ZNF140: variants seen among roughly 807,000 people sequenced by gnomAD.
ZNF140 encodes zinc finger protein 140 (clone pHZ-39).
A neutral mutation model predicts 12.9 loss-of-function variants in ZNF140; 13 were observed. The observed-to-expected ratio is 1.01, with a 90% CI of 0.66 to 1.60. The LOEUF (loss-of-function observed/expected upper bound fraction) is 1.60. Ranked by LOEUF, ZNF140 falls within the 40% of genes most tolerant of loss-of-function variation. The probability of loss-of-function intolerance (pLI) is 0.00; values close to 1 mark genes in which losing one functional copy is unlikely to be tolerated. For synonymous variants in ZNF140, 214 were observed against 186.7 expected (o/e 1.15, Z -1.19); for missense variants, 531 against 548.8 (o/e 0.97, Z 0.32).
Position 133,106,621 on chromosome 12 carries a change from T to G in ZNF140, c.1344T>G (p.Asn448Lys). Residue 448 changes from asparagine (N) to lysine (K), a missense_variant, in exon 5 of 5, where the codon AAT becomes AAG. Physicochemically the swap from Asn to Lys is moderately conservative, Grantham distance 94 (BLOSUM62 0). Coordinates refer to ENST00000355557, the MANE Select transcript of ZNF140 (RefSeq NM_003440.4). ...CCTATGAATATGAAAATTCATTTAA[T>G]TACCACTCATTCCTTACTGAACACC... is the stretch of plus-strand genomic sequence containing the variant. ...DNPYEYENSF[N>K]YHSFLTEHQ 1 of 1,602,142 alleles carries G rather than the reference T, an allele frequency of 6.2e-7. No individual in the cohort carries two copies. Among genetic ancestry groups the G allele is most frequent in the Non-Finnish European group, 8.5e-7 (1 of 1,176,230 alleles).
intron 4 of ZNF140, among the ~76,000 whole-genome samples, chr12:133,090,970 A>G (rs1257455063): frequency 4.1e-5 from 6 of 147,856 alleles, no homozygotes; most frequent in Non-Finnish European, 7.5e-5. Context: ...TTTTGCTACT[A>G]TCTCAGAATT....
intron 4 of ZNF140, chr12:133,084,208 A>G (rs1387192031): frequency 1.4e-5 from 6 of 421,372 alleles, no homozygotes; most frequent in Non-Finnish European, 1.8e-5. Flanking sequence ...ATGGACATAC[A>G]TTTCTATTGC....
chr12:133,081,113 A>G (rs1337048874), intron 1 of ZNF140, 41 bp downstream of exon 1: 7 of 266,374 alleles, frequency 2.6e-5, no homozygotes, highest in Non-Finnish European at 4.6e-5. Flanking sequence ...CAGGAAGAGA[A>G]AGCCGGCGCC....
rs911710404 is a variant in ZNF140 at position 133,090,104 on chromosome 12, C to T, written c.232+6543C>T. Among the ~76,000 whole-genome samples the T allele has an allele frequency of 8.1e-4, 124 of 152,174 alleles. 2 individuals carry two copies. The highest frequency in any genetic ancestry group is 2.7e-3 in the African/African-American group (112 of 41,530). On this transcript the variant is annotated intron_variant, in intron 4 of 4. Coordinates refer to ENST00000355557, the MANE Select transcript of ZNF140 (RefSeq NM_003440.4). ...CCTCCAGTAATCCACGCACTTCAGC[C>T]TCCCAAAGTGCCGGGATTATAGATG...
intron 4 of ZNF140, among the ~76,000 whole-genome samples, chr12:133,089,374 C>T (rs1954781372): frequency 1.3e-5 from 2 of 152,086 alleles, no homozygotes; most frequent in South Asian, 4.2e-4. Flanking sequence ...CCACCATGCC[C>T]AGCTCATTTT....
At chr12:133,103,201 T>C (rs1042741068) in intron 4 of ZNF140, among the ~76,000 whole-genome samples, 16 of 152,292 alleles carry the variant, frequency 1.1e-4, no homozygotes, top group African/African-American at 3.1e-4. Flanking sequence ...ACTTCTCTCT[T>C]CTATTTTGAA....
At chr12:133,092,627 C>T (rs1051931085) in intron 4 of ZNF140, among the ~76,000 whole-genome samples, 14 of 151,114 alleles carry the variant, frequency 9.3e-5, no homozygotes, top group Admixed American at 3.3e-4. Flanking sequence ...TAACTTTGGT[C>T]GGGGTGATGA....
intron 4 of ZNF140, among the ~76,000 whole-genome samples, chr12:133,086,706 A>G (rs1473661369): frequency 6.6e-6 from 1 of 152,018 alleles, no homozygotes; most frequent in Non-Finnish European, 1.5e-5. Context: ...TGTTTAAGAA[A>G]TCTTTCCCTC....
At chr12:133,088,031 G>T (rs1012676982) in intron 4 of ZNF140, among the ~76,000 whole-genome samples, 1 of 151,972 alleles carries the variant, frequency 6.6e-6, no homozygotes, top group Admixed American at 6.6e-5. Context: ...TCGGGAGGCT[G>T]AGGTGGAAGA....
chr12:133,089,999 G>A (rs1056646898), intron 4 of ZNF140, among the ~76,000 whole-genome samples: 16 of 151,920 alleles, frequency 1.1e-4, no homozygotes, highest in African/African-American at 3.1e-4. Context: ...ACAGGTGCAC[G>A]CCACCACGCC....
chr12:133,105,322 A>G (rs1196304943), intron 4 of ZNF140, among the ~76,000 whole-genome samples, 188 bp from the exon 5 acceptor site: 1 of 152,070 alleles, frequency 6.6e-6, no homozygotes, highest in Admixed American at 6.5e-5. Context: ...TTATTTACCT[A>G]TATGTCTATC....
At chr12:133,081,632 A>G (rs1954506741) in intron 2 of ZNF140, 1 of 450,638 alleles carries the variant, frequency 2.2e-6, no homozygotes, top group African/African-American at 2.0e-5. Context: ...ACTTAAGTAT[A>G]CATGAAGAGA....
intron 4 of ZNF140, among the ~76,000 whole-genome samples, chr12:133,087,776 A>G (rs1954721511): frequency 6.6e-6 from 1 of 152,166 alleles, no homozygotes; most frequent in Non-Finnish European, 1.5e-5. Flanking sequence ...TTTCTTTTCT[A>G]TATTGCTTCT....
chr12:133,097,567 C>T lies in ZNF140; in HGVS notation c.233-7943C>T, dbSNP rs557639869. 2.7e-4 allele frequency among the ~76,000 whole-genome samples: 41 copies of T among 150,506 alleles called. No homozygotes were observed. In the East Asian group the frequency reaches 6.6e-3, roughly 24 times the overall value. On this transcript the variant is annotated intron_variant, in intron 4 of 4. Coordinates refer to ENST00000355557, the MANE Select transcript of ZNF140 (RefSeq NM_003440.4). ...CTGAGGCACGAGAATGGCGTGAACC[C>T]GGGAGGCGGAGGTTGCAGTGAGCCG...
chr12:133,083,844 C>T (rs1028818623), intron 4 of ZNF140, among the ~76,000 whole-genome samples: 1 of 151,868 alleles, frequency 6.6e-6, no homozygotes, highest in African/African-American at 2.4e-5. Context: ...CCTGTAGTCC[C>T]AGCTACTTGG....
chr12:133,106,601 G>A lies in ZNF140; in HGVS notation c.1324G>A (p.Glu442Lys). 3 of 1,607,538 alleles carry A rather than the reference G, an allele frequency of 1.9e-6. No homozygotes were observed. Among genetic ancestry groups the A allele is most frequent in the Non-Finnish European group, 2.5e-6 (3 of 1,178,256 alleles). ...QRTHTLDNPY[E>K]YENSFNYHSF... is the part of the protein sequence containing the mutation. ...GACACACACTCTTGACAACCCCTAT[G>A]AATATGAAAATTCATTTAATTACCA... is the stretch of plus-strand genomic sequence containing the variant. The change falls in exon 5 of 5, where the codon GAA becomes AAA. Residue 442 changes from glutamate to lysine, a missense_variant. By Grantham distance (56) the Glu-to-Lys change is moderately conservative (BLOSUM62 1). Coordinates refer to ENST00000355557, the MANE Select transcript of ZNF140 (RefSeq NM_003440.4).
At chr12:133,096,108 A>G (rs372097316) in intron 4 of ZNF140, among the ~76,000 whole-genome samples, 1 of 150,274 alleles carries the variant, frequency 6.7e-6, no homozygotes, top group Non-Finnish European at 1.5e-5. Context: ...ATTTCAGACT[A>G]TCACATGGGG....
intron 4 of ZNF140, among the ~76,000 whole-genome samples, chr12:133,090,812 A>G (rs113112997): frequency 0.091 from 11,597 of 128,080 alleles, 659 homozygotes; most frequent in African/African-American, 0.14. Context: ...AAAAGAATCT[A>G]TATCATAATT....
rs1162610479 is a variant in ZNF140, at chr12:133,106,814, G to A, written c.*163G>A. ...CCACCCTGGAGAAAAAAAAACCCAGGAATATGTGGAAAAGCCATTAATAAC... is the reference window on the plus strand; with the variant it reads ...CCACCCTGGAGAAAAAAAAACCCAGAAATATGTGGAAAAGCCATTAATAAC... On this transcript the variant is annotated 3_prime_UTR_variant, in exon 5 of 5. Coordinates refer to ENST00000355557, the MANE Select transcript of ZNF140 (RefSeq NM_003440.4). 5 of 548,040 alleles carry A rather than the reference G, an allele frequency of 9.1e-6. No individual in the cohort carries two copies. The highest frequency in any genetic ancestry group is 2.0e-5 in the African/African-American group (1 of 51,090). 33.9% of individuals were successfully genotyped at this position (548,040 alleles called of 1,614,324 possible).
Sources: allele counts gnomAD v4.1 joint callset (sites outside exome capture counted in the v4.1 genomes callset), GRCh38; gene constraint gnomAD v4.1.1; transcripts MANE v1.5; gene names NCBI Gene and HGNC (gene_info 2026-07-23, HGNC 2026-07-21).